The following SF3B1 variants were observed in gnomAD, a reference collection of about 807,000 sequenced individuals.
SF3B1 encodes the protein splicing factor 3b subunit 1, also known as pre-mRNA processing 10.
SF3B1 carries 12 observed loss-of-function variants against 153.8 expected under a neutral mutation model. That is an observed-to-expected ratio of 0.08 (90% CI 0.05 to 0.13). SF3B1 has a LOEUF of 0.13. Ranked by LOEUF, SF3B1 falls within the 10% of genes least tolerant of loss-of-function variation. The pLI is 1.00. For synonymous variants in SF3B1, 498 were observed against 525.2 expected, an observed-to-expected ratio of 0.95 and a Z score of 0.71; for missense variants, 513 against 1,606.1, an observed-to-expected ratio of 0.32 and a Z score of 11.63.
intron 4 of SF3B1, chr2:197,420,090 C>T: frequency 7.4e-6 from 2 of 270,412 alleles, no homozygotes; most frequent in Non-Finnish European, 7.0e-6. Flanking sequence ...GGAATGAAAA[C>T]TTTCAATAAT....
At chr2:197,414,315 T>C (rs1453178860) in intron 6 of SF3B1, among the ~76,000 whole-genome samples, 1 of 152,206 alleles carries the variant, frequency 6.6e-6, no homozygotes, top group Non-Finnish European at 1.5e-5. Flanking sequence ...TTGGCAGCTA[T>C]CTTATACAAA....
Position 197,400,877 on chromosome 2 carries a change from C to A in SF3B1, c.2556G>T (p.Arg852Ser), listed in dbSNP as rs1267651794. 1 of 1,613,520 alleles carries A rather than the reference C, an allele frequency of 6.2e-7. No individual in the cohort carries two copies. The highest frequency in any genetic ancestry group is 1.3e-5 in the African/African-American group (1 of 74,902). The change falls in exon 18 of 25, where the codon AGG (arginine) becomes AGT (serine). Residue 852 changes from arginine to serine, a missense_variant. Physicochemically the swap from Arg to Ser is moderately radical, Grantham distance 110 (BLOSUM62 -1). Coordinates refer to ENST00000335508, the MANE Select transcript of SF3B1 (RefSeq NM_012433.4). The surrounding 1 kb of genome is among the most constrained non-coding windows in gnomAD (Gnocchi z 5.0). ...CTTCATCTTTCAGATCATCCACAAT[C>A]CTGGATATAATTTCTGCTGCACCTA... The part of the protein sequence containing the change: ...NKVGAAEIIS[R>S]IVDDLKDEAE...
At chr2:197,431,925 T>A (rs1418802015) in intron 1 of SF3B1, among the ~76,000 whole-genome samples, 2 of 151,758 alleles carry the variant, frequency 1.3e-5, no homozygotes, top group African/African-American at 4.8e-5. Flanking sequence ...GAGTTCGAGA[T>A]CAGCCTGGGT....
At chr2:197,424,003 A>G (rs2085290568) in intron 1 of SF3B1, 29 bp from the exon 2 acceptor site, 2 of 1,580,954 alleles carry the variant, frequency 1.3e-6, no homozygotes, top group African/African-American at 2.7e-5. Context: ...GACTTTCTTA[A>G]TTTCACTTTC....
rs2085501493 is a variant in SF3B1 at position 197,435,007 on chromosome 2, A to T, written c.-8T>A. On this transcript the variant is annotated 5_prime_UTR_variant, in exon 1 of 25. Coordinates refer to ENST00000335508, the MANE Select transcript of SF3B1 (RefSeq NM_012433.4). ...CTTGGCGATCTTCGCCATTTTGTCC[A>T]CTCGAACACACAGACGGAACTGGCG... 1.9e-6 allele frequency: 3 copies of T among 1,614,268 alleles called. No homozygotes were observed. Among genetic ancestry groups the T allele is most frequent in the African/African-American group, 1.3e-5 (1 of 75,082 alleles).
In SF3B1 at chr2:197,401,543, A is replaced by G; in HGVS notation, c.2371-18T>C. The G allele has an allele frequency of 1.2e-6, 2 of 1,603,396 alleles. No homozygotes were observed. Among genetic ancestry groups the G allele is most frequent in the Non-Finnish European group, 1.7e-6 (2 of 1,174,688 alleles). On this transcript the variant is annotated intron_variant, in intron 16 of 24. Transcript: ENST00000335508. This position sits in a 1 kb window ranked among gnomAD's most constrained non-coding sequence, Gnocchi z 4.2. ...TTTACCACCTAAAAGGTTAAGAAAT[A>G]GTAATAATAAATCAACTGACCTGAA...
At chr2:197,395,769 G>C (rs2084868684) in intron 23 of SF3B1, among the ~76,000 whole-genome samples, 1 of 152,110 alleles carries the variant, frequency 6.6e-6, no homozygotes, top group South Asian at 2.1e-4. Flanking sequence ...GACCAATTTT[G>C]AAAACAAAAG....
chr2:197,392,257 TA>T lies in SF3B1; in HGVS notation c.*45del. ...TTACATCACCAAATCAAAGCAAGTT[TA>T]AGGTGTGAAGTAGCTGTGCATTAAA... On this transcript the variant is annotated 3_prime_UTR_variant, in exon 25 of 25. Transcript: ENST00000335508. 1.2e-6 allele frequency: 1 copy of T among 802,682 alleles called. No individual in the cohort carries two copies. The highest frequency in any genetic ancestry group is 2.1e-6 in the Non-Finnish European group (1 of 466,996). 49.7% of individuals were successfully genotyped at this position (802,682 alleles called of 1,614,324 possible).
chr2:197,400,471 G>A lies in SF3B1; in HGVS notation c.2719-37C>T, dbSNP rs747263568. Reference sequence around the variant, plus strand: ...ATTTAAAAAAAAGACATATTCATTTGGTTTATGACTGCACAGTTGAAATAC... The same window carrying A: ...ATTTAAAAAAAAGACATATTCATTTAGTTTATGACTGCACAGTTGAAATAC... On this transcript the variant is annotated intron_variant, in intron 18 of 24. Transcript: ENST00000335508. The surrounding 1 kb of genome is among the most constrained non-coding windows in gnomAD (Gnocchi z 5.0). 2 of 1,528,870 alleles carry A rather than the reference G, an allele frequency of 1.3e-6. No homozygotes were observed. The highest frequency in any genetic ancestry group is 1.8e-6 in the Non-Finnish European group (2 of 1,124,380). The allele number at this position is 1,528,870 out of a possible 1,614,324, so 94.7% of individuals were successfully genotyped here.
At chr2:197,405,548 A>G (rs1002927056) in intron 9 of SF3B1, 76 bp from the exon 10 acceptor site, 8 of 1,045,838 alleles carry the variant, frequency 7.6e-6, no homozygotes, top group African/African-American at 3.2e-5. Context: ...TGCACTTAAA[A>G]TATTTTAGTT....
At position 197,391,066 on chromosome 2, in the gene SF3B1, A is replaced by G. The variant is rs1574519818; in HGVS notation, c.*1237T>C. On this transcript the variant is annotated 3_prime_UTR_variant, in exon 25 of 25. Coordinates refer to ENST00000335508, the MANE Select transcript of SF3B1 (RefSeq NM_012433.4). ...GGAGACAAAACAAAACAGTAAAAAT[A>G]GTATAGGTAGTAAAAAGGCCAAAAC... 1 of 152,232 alleles carries G rather than the reference A, an allele frequency of 6.6e-6. No homozygotes were observed. The highest frequency in any genetic ancestry group is 1.5e-5 in the Non-Finnish European group (1 of 68,040). 9.4% of individuals were successfully genotyped at this position (152,232 alleles called of 1,614,324 possible). A position where few individuals can be genotyped will look rare whatever the true frequency, so the allele number is the denominator to read the frequency against.
At position 197,400,327 on chromosome 2, in the gene SF3B1, G is replaced by A. The variant is rs1210607549; in HGVS notation, c.2826C>T (p.Asn942=). ...ICGTVLWRLN[N]KSAKVRQQAA... ...CCTGTTGCCTAACTTTAGCAGATTTGTTATTTAAACGCCACAAAACTGTAC... is the reference window on the plus strand; with the variant it reads ...CCTGTTGCCTAACTTTAGCAGATTTATTATTTAAACGCCACAAAACTGTAC... Residue 942 remains asparagine, a synonymous_variant, in exon 19 of 25, where the codon AAC becomes AAT. Transcript: ENST00000335508. This position sits in a 1 kb window ranked among gnomAD's most constrained non-coding sequence, Gnocchi z 5.0. The A allele has an allele frequency of 1.2e-6, 2 of 1,613,866 alleles. No individual in the cohort carries two copies. Among genetic ancestry groups the A allele is most frequent in the African/African-American group, 1.3e-5 (1 of 74,884 alleles).
chr2:197,427,803 G>C (rs978653493), intron 1 of SF3B1, among the ~76,000 whole-genome samples: 5 of 151,862 alleles, frequency 3.3e-5, no homozygotes, highest in African/African-American at 1.2e-4. Flanking sequence ...GGTGGATCAC[G>C]AGGTCAGGAG....
At chr2:197,395,921 T>C (rs747929411) in intron 23 of SF3B1, 135 bp downstream of exon 23, 14 of 656,954 alleles carry the variant, frequency 2.1e-5, no homozygotes, top group Non-Finnish European at 3.6e-5. Flanking sequence ...ATATTTACAA[T>C]GTCCTAAGAC....
At chr2:197,424,116 A>T in intron 1 of SF3B1, 142 bp from the exon 2 acceptor site, 1 of 732,968 alleles carries the variant, frequency 1.4e-6, no homozygotes, top group Non-Finnish European at 2.2e-6. Context: ...AGAGACTAGT[A>T]ATCACAACAG....
intron 11 of SF3B1, chr2:197,404,642 A>T (rs953345463): frequency 1.3e-5 from 2 of 152,266 alleles, no homozygotes; most frequent in Non-Finnish European, 2.9e-5. Flanking sequence ...CACTACATAA[A>T]TTTTTTCCCC....
rs2084810278 is a variant in SF3B1 at position 197,391,561 on chromosome 2, TAA to T, written c.*740_*741del. The T allele has an allele frequency of 2.0e-5, 3 of 152,260 alleles. No individual in the cohort carries two copies. In the South Asian group the frequency reaches 6.2e-4, roughly 31 times the overall value. 9.4% of individuals were successfully genotyped at this position (152,260 alleles called of 1,614,324 possible). ...TAATAGGCAGAAAGCAGTTTTGAAG[TAA>T]AGTTAAATTCCTCACTTGCTAAACA... On this transcript the variant is annotated 3_prime_UTR_variant, in exon 25 of 25. Transcript: ENST00000335508.
At chr2:197,418,692 CATTT>C (rs1353002955) in intron 4 of SF3B1, 104 bp from the exon 5 acceptor site, 5 of 1,459,800 alleles carry the variant, frequency 3.4e-6, no homozygotes, top group Non-Finnish European at 4.5e-6. Flanking sequence ...ATTCCATAAT[CATTT>C]AAATTATTTT....
chr2:197,406,417 A>T (rs923998208), intron 9 of SF3B1, among the ~76,000 whole-genome samples: 2 of 152,178 alleles, frequency 1.3e-5, no homozygotes, highest in Admixed American at 1.3e-4. Context: ...GTTGCTAGTT[A>T]ACGTCTGCAC....
Sources: allele counts gnomAD v4.1 joint callset (sites outside exome capture counted in the v4.1 genomes callset), GRCh38; gene constraint gnomAD v4.1.1; non-coding constraint Gnocchi (gnomAD v3.1); transcripts MANE v1.5; gene names NCBI Gene and HGNC (gene_info 2026-07-23, HGNC 2026-07-21).